The following IPMK variants were observed in gnomAD, a reference collection of about 807,000 sequenced individuals.
IPMK encodes the protein inositol 1,3,4,6-tetrakisphosphate 5-kinase.
IPMK carries 17 observed loss-of-function variants against 45.8 expected under a neutral mutation model. The observed-to-expected ratio is 0.37, with a 90% confidence interval of 0.25 to 0.56. The LOEUF (loss-of-function observed/expected upper bound fraction) is 0.56, where lower values mean the gene tolerates loss of function less well. IPMK is among the 20% of genes least tolerant of loss of function. IPMK has a pLI of 0.79. For missense variants in IPMK, 399 were observed against 498.0 expected, an observed-to-expected ratio of 0.80 and a Z score of 1.89; for synonymous variants, 180 against 184.3, an observed-to-expected ratio of 0.98 and a Z score of 0.19.
rs1838242674 is a variant in IPMK at position 58,216,217 on chromosome 10, A to C, written c.474T>G (p.Ser158=). The change falls in exon 4 of 6, where the codon TCT becomes TCG. Residue 158 remains serine (S), a synonymous_variant. Transcript: ENST00000373935. ...GQKSYDPFAS[S]EKIQQQVSKY... ...TGCTGACCTGTTGCTGAATCTTCTC[A>C]GATGAGGCAAAAGGATCATAGCTTT... 1.2e-6 allele frequency: 2 copies of C among 1,612,502 alleles called. No individual in the cohort carries two copies. The highest frequency in any genetic ancestry group is 4.5e-5 in the East Asian group (2 of 44,712).
intron 1 of IPMK, among the ~76,000 whole-genome samples, chr10:58,250,834 T>G (rs183979367): frequency 6.6e-4 from 100 of 152,310 alleles, no homozygotes; most frequent in African/African-American, 2.4e-3. Context: ...CCTTTATTGT[T>G]CTGAAGTATG....
intron 2 of IPMK, among the ~76,000 whole-genome samples, chr10:58,235,893 C>T (rs558881524): frequency 1.3e-5 from 2 of 150,794 alleles, no homozygotes; most frequent in Admixed American, 6.6e-5. Flanking sequence ...TTCTATCAAG[C>T]CTTTAAGGAA....
chr10:58,249,004 A>G (rs1838844846), intron 1 of IPMK, among the ~76,000 whole-genome samples: 1 of 152,258 alleles, frequency 6.6e-6, no homozygotes, highest in Non-Finnish European at 1.5e-5. Context: ...AGGTGAGTAC[A>G]GATATCTCTT....
At chr10:58,243,940 C>T (rs546921889) in intron 1 of IPMK, among the ~76,000 whole-genome samples, 219 of 149,492 alleles carry the variant, frequency 1.5e-3, no homozygotes, top group African/African-American at 4.9e-3. Flanking sequence ...TCTGCCCGAC[C>T]GCCCATCGTC....
Position 58,197,075 on chromosome 10 carries a change from C to T in IPMK, c.629-377G>A, listed in dbSNP as rs558514967. Reference sequence around the variant, plus strand: ...CAGCACTTTGGGAGGCCAAGGCGGGCGGATCACGAGGTCAGGAGATCCAGA... The same window carrying T: ...CAGCACTTTGGGAGGCCAAGGCGGGTGGATCACGAGGTCAGGAGATCCAGA... On this transcript the variant is annotated intron_variant, in intron 5 of 5. Coordinates refer to ENST00000373935, the MANE Select transcript of IPMK (RefSeq NM_152230.5). Among the ~76,000 whole-genome samples the T allele has an allele frequency of 2.3e-3, 356 of 151,800 alleles. 1 individual carries two copies. Among genetic ancestry groups the T allele is most frequent in the Non-Finnish European group, 3.7e-3 (254 of 67,920 alleles).
intron 1 of IPMK, among the ~76,000 whole-genome samples, chr10:58,251,799 C>T (rs1281055834): frequency 2.6e-5 from 4 of 152,204 alleles, no homozygotes; most frequent in Non-Finnish European, 5.9e-5. Flanking sequence ...ACCATAGCTA[C>T]TCCAGCTCTC....
intron 1 of IPMK, among the ~76,000 whole-genome samples, chr10:58,260,322 G>C (rs532426536): frequency 6.6e-6 from 1 of 152,268 alleles, no homozygotes; most frequent in African/African-American, 2.4e-5. Context: ...TCGTAACAAC[G>C]AAATGCAATG....
At chr10:58,223,992 G>A (rs904394907) in intron 3 of IPMK, among the ~76,000 whole-genome samples, 1 of 152,158 alleles carries the variant, frequency 6.6e-6, no homozygotes, top group Admixed American at 6.5e-5. Context: ...TCCAGTCTCA[G>A]GCAGTATCTT....
intron 1 of IPMK, among the ~76,000 whole-genome samples, chr10:58,248,431 T>G (rs1342272061): frequency 1.3e-5 from 2 of 152,232 alleles, no homozygotes; most frequent in Non-Finnish European, 2.9e-5. Flanking sequence ...TTTTGATACA[T>G]AACTGTACAT....
chr10:58,207,717 G>A (rs2590375), intron 4 of IPMK, among the ~76,000 whole-genome samples: 51,453 of 151,966 alleles, frequency 0.34, 10,960 homozygotes, highest in African/African-American at 0.61. Flanking sequence ...GAGCTCCAGT[G>A]TTAGGTGCAT....
chr10:58,253,734 C>CAA (rs1183304261), intron 1 of IPMK, among the ~76,000 whole-genome samples: 5 of 49,844 alleles, frequency 1.0e-4, no homozygotes, highest in Non-Finnish European at 1.5e-4. Context: ...ACTCCATCTC[C>CAA]AAAAAAAAAA....
chr10:58,251,205 G>C (rs1838874553), intron 1 of IPMK, among the ~76,000 whole-genome samples: 1 of 152,048 alleles, frequency 6.6e-6, no homozygotes, highest in Non-Finnish European at 1.5e-5. Context: ...ATTGTCATTT[G>C]TCTGAAGGAA....
intron 1 of IPMK, among the ~76,000 whole-genome samples, chr10:58,260,929 G>T (rs1034594562): frequency 3.3e-5 from 5 of 152,040 alleles, no homozygotes; most frequent in Non-Finnish European, 7.4e-5. Context: ...TTTAAAATCT[G>T]TATGTAAATG....
intron 3 of IPMK, among the ~76,000 whole-genome samples, chr10:58,224,518 C>A (rs1838384643): frequency 1.3e-5 from 2 of 152,126 alleles, no homozygotes; most frequent in African/African-American, 4.8e-5. Context: ...CTAGAAACCA[C>A]TGAGTTGTAT....
At chr10:58,221,954 G>T (rs1838343565) in intron 3 of IPMK, among the ~76,000 whole-genome samples, 1 of 152,078 alleles carries the variant, frequency 6.6e-6, no homozygotes, top group Admixed American at 6.6e-5. Context: ...TCACCATGTT[G>T]GCCAGGCTAG....
chr10:58,246,495 C>T (rs185531404), intron 1 of IPMK, among the ~76,000 whole-genome samples: 7 of 143,070 alleles, frequency 4.9e-5, no homozygotes, highest in South Asian at 2.2e-4. Flanking sequence ...TCAGAAATAA[C>T]GCCGCATATC....
chr10:58,194,188 A>G lies in IPMK; in HGVS notation c.*1888T>C, dbSNP rs2132138827. ...ATTGTACATAGGTTGATATCATCCC[A>G]TACAAAAAAAGCCTCAGTATCTTGT... is the stretch of plus-strand genomic sequence containing the variant. On this transcript the variant is annotated 3_prime_UTR_variant, in exon 6 of 6. Coordinates refer to ENST00000373935, the MANE Select transcript of IPMK (RefSeq NM_152230.5). 6.6e-6 allele frequency: 1 copy of G among 152,006 alleles called. No homozygotes were observed. Among genetic ancestry groups the G allele is most frequent in the East Asian group, 1.9e-4 (1 of 5,188 alleles). 9.4% of individuals were successfully genotyped at this position (152,006 alleles called of 1,614,324 possible).
chr10:58,191,535 T>C lies in IPMK; in HGVS notation c.*4541A>G, dbSNP rs886932132. ...AAAAAAGTTCCAATGCAAAACATTT[T>C]AATAGGTTGTCAAATATACAGTTAT... On this transcript the variant is annotated 3_prime_UTR_variant, in exon 6 of 6. Coordinates refer to ENST00000373935, the MANE Select transcript of IPMK (RefSeq NM_152230.5). 10 of 152,096 alleles carry C rather than the reference T, an allele frequency of 6.6e-5. No homozygotes were observed. The highest frequency in any genetic ancestry group is 5.9e-4 in the Admixed American group (9 of 15,248). 9.4% of individuals were successfully genotyped at this position (152,096 alleles called of 1,614,324 possible). A position where few individuals can be genotyped will look rare whatever the true frequency, so the allele number is the denominator to read the frequency against.
intron 4 of IPMK, among the ~76,000 whole-genome samples, chr10:58,211,190 G>GTTTGT (rs1838153272): frequency 1.7e-5 from 2 of 115,792 alleles, no homozygotes; most frequent in African/African-American, 8.7e-5. Context: ...TGATTACCCG[G>GTTTGT]TTTTTTTTTT....
Sources: allele counts gnomAD v4.1 joint callset (sites outside exome capture counted in the v4.1 genomes callset), GRCh38; gene constraint gnomAD v4.1.1; transcripts MANE v1.5; gene names NCBI Gene and HGNC (gene_info 2026-07-23, HGNC 2026-07-21).